Variants in CASZ1 observed in about 807,000 individuals in gnomAD.
The protein encoded by CASZ1 is castor zinc finger 1.
Under a neutral mutation model 135.2 loss-of-function variants are expected in CASZ1, and 28 were observed. That is an observed-to-expected ratio of 0.21 (90% confidence interval 0.15 to 0.28). The LOEUF (loss-of-function observed/expected upper bound fraction) is 0.28. Among genes scored for constraint, CASZ1 ranks in the 10% least tolerant of loss-of-function variants. The pLI is 1.00. For missense variants in CASZ1, 2,161 were observed against 2,453.3 expected (o/e 0.88, Z 2.52); for synonymous variants, 1,068 against 1,073.4 (o/e 0.99, Z 0.10).
intron 3 of CASZ1, among the ~76,000 whole-genome samples, chr1:10,698,165 AG>A (rs1399713187): frequency 6.6e-6 from 1 of 152,240 alleles, no homozygotes; most frequent in African/African-American, 2.4e-5. Flanking sequence ...ATGGCAGGAG[AG>A]GGGCTGGCAC....
chr1:10,639,178 G>T lies in CASZ1; in HGVS notation c.5044C>A (p.Leu1682Met), dbSNP rs1570389118. 9.8e-7 allele frequency: 1 copy of T among 1,022,500 alleles called. No individual in the cohort carries two copies. The highest frequency in any genetic ancestry group is 1.2e-6 in the Non-Finnish European group (1 of 841,060). The allele number at this position is 1,022,500 out of a possible 1,614,324, so 63.3% of individuals were successfully genotyped here. A position where few individuals can be genotyped will look rare whatever the true frequency, so the allele number is the denominator to read the frequency against. ...TCGGCCTCCTCCTCCGGCAGCTCCA[G>T]CTCCTCCTCCTCGTCCTCCTGCGAG... ...ESSQEDEEEELELPEEEAEDD... is the reference protein window; with the variant it reads ...ESSQEDEEEEMELPEEEAEDD... The change falls in exon 21 of 21, where the codon CTG becomes ATG. Residue 1682 changes from leucine to methionine, a missense_variant. Around this residue, in one of 7 missense-constraint regions of CASZ1, gnomAD observed 185 missense variants for 134.7 expected, o/e 1.37. Coordinates refer to ENST00000377022, the MANE Select transcript of CASZ1 (RefSeq NM_001079843.3). The surrounding 1 kb of genome is among the most constrained non-coding windows in gnomAD (Gnocchi z 4.0).
chr1:10,743,738 C>T lies in CASZ1; in HGVS notation c.-77+16963G>A, dbSNP rs1365539977. Among the ~76,000 whole-genome samples the T allele has an allele frequency of 2.0e-5, 3 of 151,506 alleles. No homozygotes were observed. The East Asian group carries it at 5.8e-4, about 29-fold the overall frequency. ...AGAAATCCAGTGCCCTGTTTGTGCC[C>T]CTCTCCAGCCTTGGAGAACCCCGAT... On this transcript the variant is annotated intron_variant, in intron 2 of 20. Transcript: ENST00000377022.
chr1:10,743,831 C>G (rs149279348), intron 2 of CASZ1, among the ~76,000 whole-genome samples: 4 of 118,078 alleles, frequency 3.4e-5, no homozygotes, highest in African/African-American at 1.3e-4. Flanking sequence ...GAGCAAGAAG[C>G]GAGGGAAATT....
At chr1:10,722,625 G>T (rs558491611) in intron 2 of CASZ1, among the ~76,000 whole-genome samples, 9 of 152,240 alleles carry the variant, frequency 5.9e-5, no homozygotes, top group South Asian at 4.1e-4. Flanking sequence ...CCACTCACAG[G>T]GGGGCAGCTA....
rs1640325796 is a variant in CASZ1 at position 10,759,643 on chromosome 1, T to G, written c.-77+1058A>C. On this transcript the variant is annotated intron_variant, in intron 2 of 20. Transcript: ENST00000377022. This position sits in a 1 kb window ranked among gnomAD's most constrained non-coding sequence, Gnocchi z 4.2. ...ACCAAACCCCAGTGCGCACCAAGGCTCCCGTCTCTGCAAGCGCTTCCTCCC... is the reference window on the plus strand; with the variant it reads ...ACCAAACCCCAGTGCGCACCAAGGCGCCCGTCTCTGCAAGCGCTTCCTCCC... 6.6e-6 allele frequency among the ~76,000 whole-genome samples: 1 copy of G among 152,062 alleles called. No homozygotes were observed. The highest frequency in any genetic ancestry group is 1.5e-5 in the Non-Finnish European group (1 of 67,996).
rs910927205 is a variant in CASZ1 at position 10,720,365 on chromosome 1, G to A, written c.-76-14821C>T. Among the ~76,000 whole-genome samples, 1 of 152,214 alleles carries A rather than the reference G, an allele frequency of 6.6e-6. No individual in the cohort carries two copies. The highest frequency in any genetic ancestry group is 6.5e-5 in the Admixed American group (1 of 15,292). On this transcript the variant is annotated intron_variant, in intron 2 of 20. Transcript: ENST00000377022. The surrounding 1 kb of genome is among the most constrained non-coding windows in gnomAD (Gnocchi z 5.7). ...CCAGGATATGGTAACTAGGAATCGT[G>A]CCTTTGGGGCTGGTGATGGCAGAGA...
At chr1:10,795,787 C>T (rs962775705) in intron 1 of CASZ1, among the ~76,000 whole-genome samples, 3 of 152,012 alleles carry the variant, frequency 2.0e-5, no homozygotes, top group African/African-American at 7.2e-5. Flanking sequence ...TTCCCAGGCA[C>T]AGATGAAAAA....
rs1181931413 is a variant in CASZ1 at position 10,708,972 on chromosome 1, G to C, written c.-76-3428C>G. On this transcript the variant is annotated intron_variant, in intron 2 of 20. Coordinates refer to ENST00000377022, the MANE Select transcript of CASZ1 (RefSeq NM_001079843.3). ...GGAAGCAAGGGATGGAGGACGGGGAGGGGGGGGGCCATGGGTGAGGGAGGG... is the reference window on the plus strand; with the variant it reads ...GGAAGCAAGGGATGGAGGACGGGGACGGGGGGGGCCATGGGTGAGGGAGGG... Among the ~76,000 whole-genome samples, 31 of 75,624 alleles carry C rather than the reference G, an allele frequency of 4.1e-4. No individual in the cohort carries two copies. In the African/African-American group the frequency reaches 4.8e-3, roughly 12 times the overall value. 49.6% of individuals were successfully genotyped at this position (75,624 alleles called of 152,430 possible). A position where few individuals can be genotyped will look rare whatever the true frequency, so the allele number is the denominator to read the frequency against.
intron 4 of CASZ1, among the ~76,000 whole-genome samples, chr1:10,668,840 C>G (rs984808154): frequency 1.3e-5 from 2 of 152,264 alleles, no homozygotes; most frequent in Non-Finnish European, 2.9e-5. Flanking sequence ...GAAAAAGCAG[C>G]TGAGCCCTGG....
At chr1:10,649,000 C>T in intron 15 of CASZ1, 70 bp downstream of exon 15, 2 of 1,579,598 alleles carry the variant, frequency 1.3e-6, no homozygotes, top group Non-Finnish European at 1.7e-6. Flanking sequence ...CCAGCCTGAG[C>T]CCCACCCACC....
rs1188038374 is a variant in CASZ1 at position 10,794,196 on chromosome 1, TGTGCGCGC to T, written c.-234+2360_-234+2367del. Among the ~76,000 whole-genome samples, 1 of 150,530 alleles carries T rather than the reference TGTGCGCGC, an allele frequency of 6.6e-6. No homozygotes were observed. Among genetic ancestry groups the T allele is most frequent in the Non-Finnish European group, 1.5e-5 (1 of 67,876 alleles). ...GTATGCGTGTGTGTGTGTGTGTGTG[TGTGCGCGC>T]GCGCGCGCGTCGTGGGTTGGGCGGG... On this transcript the variant is annotated intron_variant, in intron 1 of 20. Coordinates refer to ENST00000377022, the MANE Select transcript of CASZ1 (RefSeq NM_001079843.3). This position sits in a 1 kb window ranked among gnomAD's most constrained non-coding sequence, Gnocchi z 5.6.
chr1:10,639,531 T>C lies in CASZ1; in HGVS notation c.4691A>G (p.Tyr1564Cys). The C allele has an allele frequency of 6.2e-7, 1 of 1,611,218 alleles. No individual in the cohort carries two copies. Among genetic ancestry groups the C allele is most frequent in the Non-Finnish European group, 8.5e-7 (1 of 1,178,780 alleles). Reference protein sequence around the residue: ...SADCAVPDCKYKLKCSHFHCT... With the variant: ...SADCAVPDCKCKLKCSHFHCT... ...GTGGAAGTGCGAGCACTTGAGCTTG[T>C]ACTTGCAGTCGGGCACGGCGCAGTC... Residue 1564 changes from tyrosine (Y) to cysteine (C), a missense_variant, in exon 21 of 21, where the codon TAC becomes TGC. Transcript: ENST00000377022. This position sits in a 1 kb window ranked among gnomAD's most constrained non-coding sequence, Gnocchi z 4.0.
At chr1:10,655,403 C>T (rs1432826889) in intron 9 of CASZ1, among the ~76,000 whole-genome samples, 1 of 152,270 alleles carries the variant, frequency 6.6e-6, no homozygotes, top group South Asian at 2.1e-4. Context: ...CACTGAATTT[C>T]ATCCACACCA....
chr1:10,766,598 G>C (rs1187302467), intron 1 of CASZ1, among the ~76,000 whole-genome samples: 1 of 152,120 alleles, frequency 6.6e-6, no homozygotes, highest in Non-Finnish European at 1.5e-5. Flanking sequence ...CCCGGGTAAC[G>C]AGCAGGTACT....
Position 10,666,771 on chromosome 1 carries a change from G to C in CASZ1, c.17-1200C>G, listed in dbSNP as rs1291170979. Among the ~76,000 whole-genome samples the C allele has an allele frequency of 6.6e-6, 1 of 152,196 alleles. No individual in the cohort carries two copies. Among genetic ancestry groups the C allele is most frequent in the Non-Finnish European group, 1.5e-5 (1 of 68,024 alleles). On this transcript the variant is annotated intron_variant, in intron 4 of 20. Coordinates refer to ENST00000377022, the MANE Select transcript of CASZ1 (RefSeq NM_001079843.3). This position sits in a 1 kb window ranked among gnomAD's most constrained non-coding sequence, Gnocchi z 5.2. The stretch of plus-strand genomic sequence containing the variant: ...ACACAGCCTGGGACCTGCCACAAAG[G>C]CTGGCGAGGGTGGACACACACACAC...
chr1:10,660,041 T>C lies in CASZ1; in HGVS notation c.1001A>G (p.Lys334Arg), dbSNP rs777009464. Residue 334 changes from lysine to arginine, a missense_variant, in exon 6 of 21, where the codon AAG becomes AGG. Transcript: ENST00000377022. ...CTCCAGGTCGTACTTGGATGGCTTC[T>C]TGTAGGTGCTCCCGTTCTGGGGCCG... ...NLRPQNGSTYKKPSKYDLENV... is the reference protein window; with the variant it reads ...NLRPQNGSTYRKPSKYDLENV... The C allele has an allele frequency of 2.5e-6, 4 of 1,614,036 alleles. No homozygotes were observed. The highest frequency in any genetic ancestry group is 2.2e-5 in the South Asian group (2 of 91,092).
chr1:10,707,561 G>C lies in CASZ1; in HGVS notation c.-76-2017C>G, dbSNP rs1172938887. On this transcript the variant is annotated intron_variant, in intron 2 of 20. Transcript: ENST00000377022. This position sits in a 1 kb window ranked among gnomAD's most constrained non-coding sequence, Gnocchi z 5.0. Reference sequence around the variant, plus strand: ...GAGGAGGGAGGGGAGGGCCAGAGATGTGTACGTACAGGGACCAGGACATGC... The same window carrying C: ...GAGGAGGGAGGGGAGGGCCAGAGATCTGTACGTACAGGGACCAGGACATGC... Among the ~76,000 whole-genome samples the C allele has an allele frequency of 2.6e-5, 4 of 152,154 alleles. No homozygotes were observed. Among genetic ancestry groups the C allele is most frequent in the Non-Finnish European group, 4.4e-5 (3 of 68,032 alleles).
chr1:10,748,168 G>A (rs72860200), intron 2 of CASZ1, among the ~76,000 whole-genome samples: 3,264 of 152,282 alleles, frequency 0.021, 133 homozygotes, highest in African/African-American at 0.074. Context: ...TTCTAAGCCT[G>A]GCAGAGGAGA....
chr1:10,643,755 G>A (rs1225749518), intron 18 of CASZ1, among the ~76,000 whole-genome samples: 1 of 152,210 alleles, frequency 6.6e-6, no homozygotes, highest in African/African-American at 2.4e-5. Flanking sequence ...AACAAACAGA[G>A]CAGGCGGGAC....
Sources: gnomAD v4.1 joint callset for allele counts (sites outside exome capture counted in the v4.1 genomes callset) on GRCh38, gnomAD v4.1.1 for gene constraint, gnomAD v4.1.1 regional missense constraint, Gnocchi (gnomAD v3.1) non-coding constraint, MANE v1.5 for transcripts, NCBI Gene and HGNC (gene_info 2026-07-23, HGNC 2026-07-21) for gene names.